Variants in SORCS3 observed in about 807,000 individuals in gnomAD.
SORCS3 encodes the protein VPS10 domain-containing receptor SorCS3.
Under a neutral mutation model 146.3 loss-of-function variants are expected in SORCS3, and 57 were observed. The observed-to-expected ratio is 0.39, with a 90% CI of 0.31 to 0.49. The LOEUF is 0.49. Among genes scored for constraint, SORCS3 ranks in the 20% least tolerant of loss-of-function variants. The pLI, the probability that SORCS3 is intolerant of heterozygous loss-of-function variation, is 0.92. For missense variants in SORCS3, 1,341 were observed against 1,575.5 expected (o/e 0.85, Z 2.52); for synonymous variants, 653 against 618.5 (o/e 1.06, Z -0.83).
At chr10:104,741,912 A>T (rs552547292) in intron 1 of SORCS3, among the ~76,000 whole-genome samples, 75 of 151,840 alleles carry the variant, frequency 4.9e-4, no homozygotes, top group Admixed American at 2.4e-3. Flanking sequence ...ACTCCTTATC[A>T]GAAAATTCCA....
chr10:105,029,178 T>G (rs896024274), intron 4 of SORCS3, among the ~76,000 whole-genome samples: 7 of 152,188 alleles, frequency 4.6e-5, no homozygotes, highest in African/African-American at 1.7e-4. Context: ...TTAATTTTTC[T>G]GGGGTGGGGC....
At chr10:105,236,072 G>A (rs2056791509) in intron 20 of SORCS3, among the ~76,000 whole-genome samples, 1 of 152,062 alleles carries the variant, frequency 6.6e-6, no homozygotes. Flanking sequence ...CATTATATGT[G>A]CCTCATATTT....
chr10:105,214,758 G>A, intron 18 of SORCS3, 145 bp downstream of exon 18: 1 of 770,126 alleles, frequency 1.3e-6, no homozygotes, highest in Non-Finnish European at 2.0e-6. Context: ...ACAGACAAGG[G>A]TGAAAGAGGG....
chr10:105,201,316 T>C, intron 16 of SORCS3, 63 bp downstream of exon 16: 2 of 1,552,084 alleles, frequency 1.3e-6, no homozygotes, highest in Non-Finnish European at 1.7e-6. Context: ...TGGGGTGGGG[T>C]GGGGTGAAGA....
intron 16 of SORCS3, among the ~76,000 whole-genome samples, chr10:105,205,961 C>T (rs2056599641): frequency 6.6e-6 from 1 of 152,154 alleles, no homozygotes; most frequent in Non-Finnish European, 1.5e-5. Flanking sequence ...TCCCATATGG[C>T]ACTACATCCA....
At chr10:105,242,986 AAT>A (rs1209696631) in intron 20 of SORCS3, among the ~76,000 whole-genome samples, 1 of 116,526 alleles carries the variant, frequency 8.6e-6, no homozygotes, top group Non-Finnish European at 1.7e-5. Flanking sequence ...TATTATATAT[AAT>A]ATATATTTAT....
chr10:105,228,150 C>A (rs543115101), intron 20 of SORCS3, among the ~76,000 whole-genome samples: 30 of 152,002 alleles, frequency 2.0e-4, no homozygotes, highest in Middle Eastern at 3.4e-3. Context: ...TAATTAATTT[C>A]TGGTTGTTTT....
intron 3 of SORCS3, among the ~76,000 whole-genome samples, chr10:104,949,775 C>T (rs1238123406): frequency 6.6e-6 from 1 of 152,084 alleles, no homozygotes; most frequent in African/African-American, 2.4e-5. Context: ...TTTCTGTGTG[C>T]ATAAAGGAAG....
At chr10:105,227,160 T>G (rs1250957621) in intron 20 of SORCS3, among the ~76,000 whole-genome samples, 1 of 152,048 alleles carries the variant, frequency 6.6e-6, no homozygotes, top group African/African-American at 2.4e-5. Context: ...TTTGAAATCC[T>G]TCTGCTTTTC....
chr10:105,200,008 C>T lies in SORCS3; in HGVS notation c.2019C>T (p.Gly673=), dbSNP rs774239005. The T allele has an allele frequency of 1.2e-6, 2 of 1,613,052 alleles. No individual in the cohort carries two copies. Among genetic ancestry groups the T allele is most frequent in the South Asian group, 2.2e-5 (2 of 91,032 alleles). The change falls in exon 15 of 27, where the codon GGC becomes GGT. Residue 673 remains glycine (G), a synonymous_variant. Transcript: ENST00000369701. Reference sequence around the variant, plus strand: ...TCCCCTAAACACTTAGAGTTTTTGGCCACTTCAGCCTCCGCTCCGAATGGC... The same window carrying T: ...TCCCCTAAACACTTAGAGTTTTTGGTCACTTCAGCCTCCGCTCCGAATGGC... The part of the protein sequence containing the change: ...GMETHIMTVF[G]HFSLRSEWQL...
chr10:104,684,821 T>G (rs1411299221), intron 1 of SORCS3, among the ~76,000 whole-genome samples: 21 of 51,936 alleles, frequency 4.0e-4, no homozygotes, highest in Non-Finnish European at 6.0e-4. Flanking sequence ...TTTTTTTTTT[T>G]TTTTTTTTTT....
chr10:105,103,485 A>T (rs1445315593), intron 6 of SORCS3, among the ~76,000 whole-genome samples: 2 of 152,160 alleles, frequency 1.3e-5, no homozygotes, highest in African/African-American at 4.8e-5. Flanking sequence ...CCAGTTTCCA[A>T]TTCATCATCC....
chr10:105,236,478 G>A (rs1399959476), intron 20 of SORCS3, among the ~76,000 whole-genome samples: 2 of 152,172 alleles, frequency 1.3e-5, no homozygotes, highest in East Asian at 1.9e-4. Context: ...CTGTGCAGAT[G>A]TGAGGGTTTG....
chr10:104,826,561 TA>T (rs545118847), intron 1 of SORCS3, among the ~76,000 whole-genome samples: 161 of 152,332 alleles, frequency 1.1e-3, no homozygotes, highest in African/African-American at 3.7e-3. Flanking sequence ...ATACTTCAAG[TA>T]AAAATATTTT....
chr10:105,160,651 A>T (rs566601906), intron 11 of SORCS3, among the ~76,000 whole-genome samples: 3 of 152,104 alleles, frequency 2.0e-5, no homozygotes, highest in Non-Finnish European at 2.9e-5. Flanking sequence ...AAATGAATAA[A>T]ATGCTTAGAA....
At chr10:104,753,533 C>A (rs1404362864) in intron 1 of SORCS3, among the ~76,000 whole-genome samples, 2 of 152,162 alleles carry the variant, frequency 1.3e-5, no homozygotes, top group Admixed American at 1.3e-4. Context: ...GTATTTACTG[C>A]TAGCAACACT....
chr10:105,221,998 G>A (rs1218781621), intron 19 of SORCS3, among the ~76,000 whole-genome samples: 2 of 140,268 alleles, frequency 1.4e-5, no homozygotes, highest in Non-Finnish European at 3.1e-5. Flanking sequence ...ATCTTGCAGT[G>A]TTAAAAAACT....
At chr10:104,825,858 C>G (rs1454354020) in intron 1 of SORCS3, among the ~76,000 whole-genome samples, 3 of 152,144 alleles carry the variant, frequency 2.0e-5, no homozygotes, top group East Asian at 1.9e-4. Flanking sequence ...TTACACAAAA[C>G]CAGAACAACC....
chr10:105,249,592 A>T (rs1352238538), intron 22 of SORCS3, among the ~76,000 whole-genome samples: 1 of 152,170 alleles, frequency 6.6e-6, no homozygotes, highest in Admixed American at 6.5e-5. Flanking sequence ...GAAAGAGATG[A>T]GAATGAGGGC....
Sources: gnomAD v4.1 joint callset for allele counts (sites outside exome capture counted in the v4.1 genomes callset) on GRCh38, gnomAD v4.1.1 for gene constraint, MANE v1.5 for transcripts, NCBI Gene and HGNC (gene_info 2026-07-23, HGNC 2026-07-21) for gene names.